Variants in IPO9 observed in about 807,000 individuals in gnomAD.
IPO9 encodes importin 9, also known as importin-9.
Under a neutral mutation model 128.6 loss-of-function variants are expected in IPO9, and 28 were observed. The observed-to-expected ratio is 0.22, with a 90% CI of 0.16 to 0.30. IPO9 has a LOEUF of 0.30. IPO9 is among the 10% of genes least tolerant of loss of function. The pLI, the probability that IPO9 is intolerant of heterozygous loss-of-function variation, is 1.00. For synonymous variants in IPO9, 455 were observed against 475.8 expected, an observed-to-expected ratio of 0.96 and a Z score of 0.57; for missense variants, 935 against 1,293.9, an observed-to-expected ratio of 0.72 and a Z score of 4.26.
At chr1:201,835,946 C>T (rs1679912803) in intron 1 of IPO9, among the ~76,000 whole-genome samples, 1 of 151,912 alleles carries the variant, frequency 6.6e-6, no homozygotes. Flanking sequence ...CCCATCTCTA[C>T]TAAAAATACA....
intron 13 of IPO9, among the ~76,000 whole-genome samples, chr1:201,860,232 T>C (rs1680418565): frequency 6.6e-6 from 1 of 152,242 alleles, no homozygotes; most frequent in South Asian, 2.1e-4. Flanking sequence ...GCTTATGTCA[T>C]TTGAAAATGT....
intron 1 of IPO9, among the ~76,000 whole-genome samples, chr1:201,843,451 T>C (rs1680072884): frequency 6.6e-6 from 1 of 152,222 alleles, no homozygotes; most frequent in South Asian, 2.1e-4. Flanking sequence ...AAGAAGTATC[T>C]TGTAAGTAAG....
chr1:201,859,177 T>C (rs1444324901), intron 13 of IPO9, among the ~76,000 whole-genome samples, 183 bp downstream of exon 13: 1 of 13,236 alleles, frequency 7.6e-5, no homozygotes, highest in African/African-American at 2.7e-4. Context: ...GAACTCAAAG[T>C]ATAATATATA....
rs1680730943 is a variant in IPO9, at chr1:201,874,858, C to G, written c.2860C>G (p.Gln954Glu). The change falls in exon 22 of 24, where the codon CAG becomes GAG. Residue 954 changes from glutamine (Q) to glutamate (E), a missense_variant. Physicochemically the swap from Gln to Glu is conservative, Grantham distance 29. Coordinates refer to ENST00000361565, the MANE Select transcript of IPO9 (RefSeq NM_018085.5). Reference protein sequence around the residue: ...QDDSNDMWEDQEEEEEEEEDG... With the variant: ...QDDSNDMWEDEEEEEEEEEDG... Reference sequence around the variant, plus strand: ...TGACTCCAATGATATGTGGGAGGACCAGGAGGAGGAAGAGGAGGAGGAGGA... The same window carrying G: ...TGACTCCAATGATATGTGGGAGGACGAGGAGGAGGAAGAGGAGGAGGAGGA... The G allele has an allele frequency of 3.1e-6, 5 of 1,613,202 alleles. No homozygotes were observed. Among genetic ancestry groups the G allele is most frequent in the East Asian group, 4.5e-5 (2 of 44,872 alleles).
Position 201,871,376 on chromosome 1 carries a change from C to CTTTTTTTTTTTTT in IPO9, c.2576+67_2576+79dup, listed in dbSNP as rs556986429. 1.1e-4 allele frequency: 16 copies of CTTTTTTTTTTTTT among 149,282 alleles called. 1 individual carries two copies. Among genetic ancestry groups the CTTTTTTTTTTTTT allele is most frequent in the African/African-American group, 6.7e-4 (10 of 14,950 alleles). The allele number at this position is 149,282 out of a possible 1,614,324, so 9.2% of individuals were successfully genotyped here. ...GGGCATTCTGCCACCACTCATATTT[C>CTTTTTTTTTTTTT]TTTTTTTTTTTTTTTTTTTTTTTTT... On this transcript the variant is annotated intron_variant, in intron 19 of 23. Coordinates refer to ENST00000361565, the MANE Select transcript of IPO9 (RefSeq NM_018085.5).
intron 10 of IPO9, among the ~76,000 whole-genome samples, chr1:201,856,452 G>A (rs777647942): frequency 6.6e-6 from 1 of 152,046 alleles, no homozygotes; most frequent in Non-Finnish European, 1.5e-5. Flanking sequence ...CACAAGAATT[G>A]ACATAATTTT....
chr1:201,874,312 C>T lies in IPO9; in HGVS notation c.2773C>T (p.Leu925Phe). 9 of 1,613,998 alleles carry T rather than the reference C, an allele frequency of 5.6e-6. No individual in the cohort carries two copies. The highest frequency in any genetic ancestry group is 7.6e-6 in the Non-Finnish European group (9 of 1,179,890). The change falls in exon 21 of 24, where the codon CTC becomes TTC. Residue 925 changes from leucine (L) to phenylalanine (F), a missense_variant. This residue lies in a region of IPO9 where 188 missense variants were observed against 246.7 expected (regional missense o/e 0.76). Coordinates refer to ENST00000361565, the MANE Select transcript of IPO9 (RefSeq NM_018085.5). ...GATCCTAAAGCTGATCATCAACGAG[C>T]TCTCCAACGTCATGGAGGCTAATGC... ...VKILKLIINE[L>F]SNVMEANAAR...
rs1333109739 is a variant in IPO9 at position 201,870,872 on chromosome 1, G to A, written c.2409+14G>A. 6.3e-6 allele frequency: 10 copies of A among 1,595,868 alleles called. No homozygotes were observed. In the Admixed American group the frequency reaches 1.7e-4, roughly 27 times the overall value. On this transcript the variant is annotated intron_variant, in intron 18 of 23. Coordinates refer to ENST00000361565, the MANE Select transcript of IPO9 (RefSeq NM_018085.5). This position sits in a 1 kb window ranked among gnomAD's most constrained non-coding sequence, Gnocchi z 4.9. Reference sequence around the variant, plus strand: ...AGTGTCATGCAGGTAAGAGAGCAGTGGGGAGTGGGCTTCCTACTCCCTGGC... The same window carrying A: ...AGTGTCATGCAGGTAAGAGAGCAGTAGGGAGTGGGCTTCCTACTCCCTGGC...
intron 13 of IPO9, among the ~76,000 whole-genome samples, chr1:201,862,865 G>A (rs928906559): frequency 5.3e-5 from 8 of 152,020 alleles, no homozygotes; most frequent in South Asian, 2.1e-4. Context: ...AGAGCTGGGG[G>A]TGAGGACTGG....
intron 18 of IPO9, 146 bp downstream of exon 18, chr1:201,871,004 C>T (rs1419176063): frequency 1.5e-6 from 2 of 1,294,256 alleles, no homozygotes; most frequent in Non-Finnish European, 2.1e-6. Context: ...TCTGTTTGGC[C>T]TAAGAAACAT....
chr1:201,854,815 C>A lies in IPO9; in HGVS notation c.811-8C>A, dbSNP rs1680299230. ...CATAACTTGGGTCCTTTTCTCTTAA[C>A]TTCTTAGGCAGTGACAGCCCTAGTG... is the stretch of plus-strand genomic sequence containing the variant. On this transcript the variant is annotated splice_polypyrimidine_tract_variant and splice_region_variant and intron_variant, in intron 7 of 23. Transcript: ENST00000361565. 1 of 1,604,030 alleles carries A rather than the reference C, an allele frequency of 6.2e-7. No individual in the cohort carries two copies. Among genetic ancestry groups the A allele is most frequent in the African/African-American group, 1.3e-5 (1 of 74,206 alleles).
rs761077223 is a variant in IPO9 at position 201,869,715 on chromosome 1, G to A, written c.2130G>A (p.Met710Ile). The change falls in exon 17 of 24, where the codon ATG becomes ATA. Residue 710 changes from methionine to isoleucine, a missense_variant. Around this residue, in one of 3 missense-constraint regions of IPO9, gnomAD observed 741 missense variants for 1,019.1 expected, o/e 0.73. Coordinates refer to ENST00000361565, the MANE Select transcript of IPO9 (RefSeq NM_018085.5). ...TTCACACAGATGACAATGCCACCAT[G>A]CAGGTATCTGAGACATGGAGAGTAG... ...CTLHTDDNAT[M>I]QNGGECLRAY... 16 of 1,613,972 alleles carry A rather than the reference G, an allele frequency of 9.9e-6. No individual in the cohort carries two copies. The South Asian group carries it at 1.6e-4, about 17-fold the overall frequency.
chr1:201,829,319 A>G lies in IPO9; in HGVS notation c.110A>G (p.Gln37Arg). 6.3e-7 allele frequency: 1 copy of G among 1,595,516 alleles called. No homozygotes were observed. Among genetic ancestry groups the G allele is most frequent in the Non-Finnish European group, 8.5e-7 (1 of 1,172,206 alleles). ...DTLTGILSPV[Q>R]EVRAAAEEQI... ...CTCACCGGGATCCTATCCCCAGTAC[A>G]GGAGGTGCGGGCGGCTGCTGAAGAA... The change falls in exon 1 of 24, where the codon CAG (glutamine) becomes CGG (arginine). Residue 37 changes from glutamine to arginine, a missense_variant. Physicochemically the swap from Gln to Arg is conservative, Grantham distance 43. Around this residue, in one of 3 missense-constraint regions of IPO9, gnomAD observed 741 missense variants for 1,019.1 expected, o/e 0.73. Transcript: ENST00000361565.
At chr1:201,849,054 C>T (rs1445690192) in intron 4 of IPO9, among the ~76,000 whole-genome samples, 2 of 152,070 alleles carry the variant, frequency 1.3e-5, no homozygotes, top group Non-Finnish European at 2.9e-5. Flanking sequence ...TATTATTTGT[C>T]CACTTAGTTC....
chr1:201,838,809 A>G (rs1196223082), intron 1 of IPO9, among the ~76,000 whole-genome samples: 1 of 152,232 alleles, frequency 6.6e-6, no homozygotes, highest in African/African-American at 2.4e-5. Flanking sequence ...TTTCACATAC[A>G]CAAACCATAA....
chr1:201,851,604 T>G (rs1420877638), intron 4 of IPO9, among the ~76,000 whole-genome samples: 1 of 152,166 alleles, frequency 6.6e-6, no homozygotes, highest in East Asian at 1.9e-4. Flanking sequence ...CCTCTGACTT[T>G]TAGGTCAATA....
Position 201,853,055 on chromosome 1 carries a change from C to T in IPO9, c.648C>T (p.Thr216=). 6.2e-7 allele frequency: 1 copy of T among 1,614,032 alleles called. No individual in the cohort carries two copies. The highest frequency in any genetic ancestry group is 8.5e-7 in the Non-Finnish European group (1 of 1,179,990). ...RTRSRAVEIF[T]TCAHMICNME... ...GTTCCCGAGCCGTGGAGATTTTTAC[C>T]ACTTGTGCCCATATGATCTGTAACA... Residue 216 remains threonine, a synonymous_variant, in exon 6 of 24, where the codon ACC becomes ACT. Coordinates refer to ENST00000361565, the MANE Select transcript of IPO9 (RefSeq NM_018085.5).
At chr1:201,871,545 C>A (rs1680653498) in intron 19 of IPO9, among the ~76,000 whole-genome samples, 1 of 151,962 alleles carries the variant, frequency 6.6e-6, no homozygotes, top group Non-Finnish European at 1.5e-5. Context: ...ACCACCATAC[C>A]CAGTGAATTC....
chr1:201,835,255 A>G (rs1180909736), intron 1 of IPO9, among the ~76,000 whole-genome samples: 1 of 152,204 alleles, frequency 6.6e-6, no homozygotes, highest in African/African-American at 2.4e-5. Flanking sequence ...GACCCTTCAG[A>G]CCAATAGCAT....
Sources: gnomAD v4.1 joint callset for allele counts (sites outside exome capture counted in the v4.1 genomes callset) on GRCh38, gnomAD v4.1.1 for gene constraint, gnomAD v4.1.1 regional missense constraint, Gnocchi (gnomAD v3.1) non-coding constraint, MANE v1.5 for transcripts, NCBI Gene and HGNC (gene_info 2026-07-23, HGNC 2026-07-21) for gene names.